Variants in LRRC8C observed in about 807,000 individuals in gnomAD.
LRRC8C encodes volume-regulated anion channel subunit LRRC8C.
Under a neutral mutation model 55.3 loss-of-function variants are expected in LRRC8C, and 20 were observed. The observed-to-expected ratio is 0.36, with a 90% CI of 0.25 to 0.53. LRRC8C has a LOEUF of 0.53. Ranked by LOEUF, LRRC8C falls within the 20% of genes least tolerant of loss-of-function variation. The pLI, the probability that LRRC8C is intolerant of heterozygous loss-of-function variation, is 0.92. For synonymous variants in LRRC8C, 376 were observed against 360.7 expected (o/e 1.04, Z -0.48); for missense variants, 659 against 951.4 (o/e 0.69, Z 4.04).
intron 1 of LRRC8C, among the ~76,000 whole-genome samples, chr1:89,645,989 G>C (rs1434655243): frequency 1.6e-5 from 1 of 61,616 alleles, no homozygotes; most frequent in Non-Finnish European, 3.3e-5. Context: ...AGATAGATAT[G>C]GTTACTTAGA....
chr1:89,713,699 A>G lies in LRRC8C; in HGVS notation c.1129A>G (p.Ile377Val), dbSNP rs771467109. 8 of 1,614,200 alleles carry G rather than the reference A, an allele frequency of 5.0e-6. No homozygotes were observed. The Admixed American group carries it at 1.0e-4, about 20-fold the overall frequency. The change falls in exon 3 of 3, where the codon ATA becomes GTA. Residue 377 changes from isoleucine (I) to valine (V), a missense_variant. Coordinates refer to ENST00000370454, the MANE Select transcript of LRRC8C (RefSeq NM_032270.5). The surrounding 1 kb of genome is among the most constrained non-coding windows in gnomAD (Gnocchi z 5.2). ...KNDFAFMLHM[I>V]DQYDPLYSKR... ...TGACTTTGCTTTTATGCTTCATATG[A>G]TAGATCAGTATGACCCTCTCTATTC...
the LRRC8C span, among the ~76,000 whole-genome samples, chr1:89,617,297 C>T: frequency 2.0e-5 from 3 of 152,138 alleles, no homozygotes; most frequent in Non-Finnish European, 4.4e-5. Context: ...CCTAAATAAA[C>T]CATTAGCAGG....
rs141478468 is a variant in LRRC8C at position 89,650,479 on chromosome 1, C to T, written c.-5+17157C>T. 6.8e-4 allele frequency among the ~76,000 whole-genome samples: 99 copies of T among 146,104 alleles called. 2 individuals carry two copies. In the East Asian group the frequency reaches 0.017, roughly 26 times the overall value. ...AAAATCTACAAGACTGGAATTTAAT[C>T]AGTAGAAATTAGGAAGTAAAAAAAA... On this transcript the variant is annotated intron_variant, in intron 1 of 2. Coordinates refer to ENST00000370454, the MANE Select transcript of LRRC8C (RefSeq NM_032270.5).
intron 1 of LRRC8C, among the ~76,000 whole-genome samples, chr1:89,684,925 T>G (rs1657825587): frequency 6.6e-6 from 1 of 152,094 alleles, no homozygotes; most frequent in South Asian, 2.1e-4. Context: ...GAGGAGAACA[T>G]CGCCAGGCCG....
At chr1:89,712,045 G>T (rs1276952369) in intron 2 of LRRC8C, among the ~76,000 whole-genome samples, 2 of 152,222 alleles carry the variant, frequency 1.3e-5, no homozygotes, top group Non-Finnish European at 2.9e-5. Context: ...TCTAACTCAA[G>T]ATTGAGTCTG....
At chr1:89,623,176 A>ATG in the LRRC8C span, among the ~76,000 whole-genome samples, 71 of 128,212 alleles carry the variant, frequency 5.5e-4, no homozygotes, top group African/African-American at 1.8e-3. Context: ...ACACACACAC[A>ATG]CACACATGCG....
At chr1:89,630,570 CTG>C (rs1656080263), upstream of LRRC8C, among the ~76,000 whole-genome samples, 1 of 152,226 alleles carries the variant, frequency 6.6e-6, no homozygotes, top group African/African-American at 2.4e-5. Context: ...AAGACAGAGT[CTG>C]TGCACCCAGT....
intron 2 of LRRC8C, chr1:89,708,588 T>TGACGAAGAAGAA (rs920514691): frequency 6.6e-6 from 1 of 151,250 alleles, no homozygotes; most frequent in African/African-American, 2.5e-5. Flanking sequence ...AAGAAGAAGA[T>TGACGAAGAAGAA]GACGAAGAAG....
the LRRC8C span, among the ~76,000 whole-genome samples, chr1:89,623,178 A>ATG: frequency 7.5e-6 from 1 of 133,306 alleles, no homozygotes; most frequent in African/African-American, 3.3e-5. Flanking sequence ...ACACACACAC[A>ATG]CACATGCGCA....
chr1:89,683,835 C>T (rs1657793902), intron 1 of LRRC8C, among the ~76,000 whole-genome samples: 1 of 152,134 alleles, frequency 6.6e-6, no homozygotes, highest in Non-Finnish European at 1.5e-5. Flanking sequence ...TTGGTCCATA[C>T]ATTTCAGACA....
intron 1 of LRRC8C, among the ~76,000 whole-genome samples, chr1:89,667,160 C>T (rs546676682): frequency 8.5e-5 from 13 of 152,106 alleles, no homozygotes; most frequent in African/African-American, 2.9e-4. Context: ...GTCCTTAGAC[C>T]GTTTTCTCCT....
chr1:89,657,206 A>G (rs548661394), intron 1 of LRRC8C, among the ~76,000 whole-genome samples: 23 of 152,342 alleles, frequency 1.5e-4, no homozygotes, highest in Admixed American at 1.5e-3. Context: ...AGGCAATAAC[A>G]GGAGTCTTTT....
chr1:89,617,914 C>A, the LRRC8C span, among the ~76,000 whole-genome samples: 1 of 152,118 alleles, frequency 6.6e-6, no homozygotes, highest in African/African-American at 2.4e-5. Flanking sequence ...CAGGGAGAGA[C>A]CATACAGCTT....
At chr1:89,635,369 A>G (rs1656250365) in intron 1 of LRRC8C, among the ~76,000 whole-genome samples, 1 of 152,198 alleles carries the variant, frequency 6.6e-6, no homozygotes, top group African/African-American at 2.4e-5. Context: ...TAATGATTTA[A>G]TATGGTACAT....
chr1:89,632,275 C>T (rs567340649), upstream of LRRC8C: 1 of 152,120 alleles, frequency 6.6e-6, no homozygotes, highest in Non-Finnish European at 1.5e-5. Context: ...AGAGAGAACC[C>T]CTCCCTCCAT....
At chr1:89,705,121 T>C (rs1351950134) in intron 2 of LRRC8C, among the ~76,000 whole-genome samples, 1 of 151,788 alleles carries the variant, frequency 6.6e-6, no homozygotes, top group African/African-American at 2.4e-5. Context: ...ATGTCCTTTA[T>C]AGGGACATGG....
At chr1:89,624,554 C>G in the LRRC8C span, among the ~76,000 whole-genome samples, 2 of 152,154 alleles carry the variant, frequency 1.3e-5, no homozygotes, top group Non-Finnish European at 2.9e-5. Context: ...AATGGATACT[C>G]TTTGTCCTAT....
At chr1:89,654,055 A>G (rs1462932766) in intron 1 of LRRC8C, among the ~76,000 whole-genome samples, 1 of 152,344 alleles carries the variant, frequency 6.6e-6, no homozygotes, top group African/African-American at 2.4e-5. Context: ...TTCAATATAT[A>G]TACACAATGG....
At chr1:89,666,329 G>A (rs892930469) in intron 1 of LRRC8C, among the ~76,000 whole-genome samples, 3 of 152,068 alleles carry the variant, frequency 2.0e-5, no homozygotes, top group African/African-American at 2.4e-5. Context: ...ACGAGTTAAC[G>A]GGTGCAGCAC....
Sources: gnomAD v4.1 joint callset for allele counts (sites outside exome capture counted in the v4.1 genomes callset) on GRCh38, gnomAD v4.1.1 for gene constraint, Gnocchi (gnomAD v3.1) non-coding constraint, MANE v1.5 for transcripts, NCBI Gene and HGNC (gene_info 2026-07-23, HGNC 2026-07-21) for gene names.